Variants in NUP210 observed in about 807,000 individuals in gnomAD.
The protein encoded by NUP210 is nuclear pore membrane glycoprotein 210.
In NUP210, 151 loss-of-function variants were observed where a neutral mutation model predicts 196.0. That is an observed-to-expected ratio of 0.77 (90% CI 0.67 to 0.88). The LOEUF is 0.88. Among genes scored for constraint, NUP210 ranks in the 40% least tolerant of loss-of-function variants. The pLI, the probability that NUP210 is intolerant of heterozygous loss-of-function variation, is 0.00. For missense variants in NUP210, 2,314 were observed against 2,493.7 expected, an observed-to-expected ratio of 0.93 and a Z score of 1.53; for synonymous variants, 1,070 against 1,052.7, an observed-to-expected ratio of 1.02 and a Z score of -0.32.
intron 3 of NUP210, among the ~76,000 whole-genome samples, chr3:13,391,847 G>C (rs1699502487): frequency 6.6e-6 from 1 of 151,848 alleles, no homozygotes; most frequent in South Asian, 2.1e-4. Flanking sequence ...GGGGCAAGGA[G>C]AGCCAGGCCC....
intron 8 of NUP210, among the ~76,000 whole-genome samples, chr3:13,378,615 C>G (rs1478798488): frequency 1.3e-5 from 2 of 152,300 alleles, no homozygotes; most frequent in East Asian, 1.9e-4. Context: ...TAGCAATGGT[C>G]AGGTCTGGGC....
At chr3:13,412,728 A>T (rs1258826707) in intron 1 of NUP210, among the ~76,000 whole-genome samples, 4 of 151,708 alleles carry the variant, frequency 2.6e-5, no homozygotes, top group Non-Finnish European at 5.9e-5. Flanking sequence ...AAAAAAAAAA[A>T]AGGGAGGCTG....
intron 1 of NUP210, among the ~76,000 whole-genome samples, chr3:13,418,363 C>T (rs547528029): frequency 2.6e-5 from 4 of 152,294 alleles, no homozygotes; most frequent in Non-Finnish European, 5.9e-5. Flanking sequence ...GAGGCAGAGG[C>T]GGCGGGATCA....
chr3:13,377,286 G>A (rs578153853), intron 9 of NUP210, among the ~76,000 whole-genome samples, 170 bp downstream of exon 9: 2 of 152,218 alleles, frequency 1.3e-5, no homozygotes, highest in South Asian at 2.1e-4. Context: ...GAGATGCCCC[G>A]GGATGCCTCA....
chr3:13,349,226 G>A (rs924088009), intron 20 of NUP210, among the ~76,000 whole-genome samples: 2 of 152,168 alleles, frequency 1.3e-5, no homozygotes, highest in Non-Finnish European at 2.9e-5. Context: ...CCCAGTGAGC[G>A]GGGCTCCGCT....
At chr3:13,403,744 G>A (rs1699916497) in intron 1 of NUP210, among the ~76,000 whole-genome samples, 1 of 152,184 alleles carries the variant, frequency 6.6e-6, no homozygotes, top group South Asian at 2.1e-4. Context: ...TCTCAGCACT[G>A]ACGACAGAGC....
chr3:13,361,417 T>C (rs940920330), intron 14 of NUP210, among the ~76,000 whole-genome samples: 1 of 152,176 alleles, frequency 6.6e-6, no homozygotes. Context: ...CATGGCCTCC[T>C]GGTGTGGGCA....
intron 33 of NUP210, among the ~76,000 whole-genome samples, chr3:13,324,012 A>G (rs1696643677): frequency 6.6e-6 from 1 of 152,208 alleles, no homozygotes; most frequent in Non-Finnish European, 1.5e-5. Flanking sequence ...CCCTGCCTCC[A>G]GGAGATCTGA....
At chr3:13,402,254 T>A (rs2124950412) in intron 1 of NUP210, among the ~76,000 whole-genome samples, 1 of 151,846 alleles carries the variant, frequency 6.6e-6, no homozygotes, top group Non-Finnish European at 1.5e-5. Context: ...GAAAATAAAG[T>A]CTATGGGGGG....
chr3:13,384,264 C>T (rs916337109), intron 6 of NUP210, among the ~76,000 whole-genome samples: 1 of 152,196 alleles, frequency 6.6e-6, no homozygotes, highest in Non-Finnish European at 1.5e-5. Context: ...CCCGGCCGGC[C>T]CTGTTGTTAT....
Position 13,316,634 on chromosome 3 carries a change from C to T in NUP210, c.*1047G>A, listed in dbSNP as rs1038683117. On this transcript the variant is annotated 3_prime_UTR_variant, in exon 40 of 40. Transcript: ENST00000254508. ...GATGGGCAGGCCCTGGGCTGGCGGCCGCCCTCCATCATTGGCCCAGGCCGG... is the reference window on the plus strand; with the variant it reads ...GATGGGCAGGCCCTGGGCTGGCGGCTGCCCTCCATCATTGGCCCAGGCCGG... 5.9e-5 allele frequency: 9 copies of T among 152,260 alleles called. No individual in the cohort carries two copies. Among genetic ancestry groups the T allele is most frequent in the African/African-American group, 1.4e-4 (6 of 41,474 alleles). The allele number at this position is 152,260 out of a possible 1,614,324, so 9.4% of individuals were successfully genotyped here. A position where few individuals can be genotyped will look rare whatever the true frequency, so the allele number is the denominator to read the frequency against.
At chr3:13,341,316 C>G (rs544411214) in intron 23 of NUP210, among the ~76,000 whole-genome samples, 2 of 152,346 alleles carry the variant, frequency 1.3e-5, no homozygotes, top group African/African-American at 4.8e-5. Context: ...CCTCTGCTCA[C>G]GCAGCCCCTG....
intron 18 of NUP210, among the ~76,000 whole-genome samples, chr3:13,352,422 A>G (rs1189344973): frequency 6.6e-6 from 1 of 152,210 alleles, no homozygotes; most frequent in African/African-American, 2.4e-5. Flanking sequence ...AATCCAGCTT[A>G]GAAGACGCCA....
Position 13,343,303 on chromosome 3 carries a change from C to T in NUP210, c.2836G>A (p.Val946Met), listed in dbSNP as rs759793556. 5 of 1,592,098 alleles carry T rather than the reference C, an allele frequency of 3.1e-6. No individual in the cohort carries two copies. Among genetic ancestry groups the T allele is most frequent in the Non-Finnish European group, 4.3e-6 (5 of 1,166,726 alleles). ...GATGAGCCCGGGAGCAAAGGGTGCACCTGCAAGGTTGGGGCGGAGGTGGAG... is the reference window on the plus strand; with the variant it reads ...GATGAGCCCGGGAGCAAAGGGTGCATCTGCAAGGTTGGGGCGGAGGTGGAG... ...AYQEARGVAM[V>M]HPLLPGSSTI... Residue 946 changes from valine (V) to methionine (M), a missense_variant and splice_region_variant, in exon 21 of 40, where the codon GTG (valine) becomes ATG (methionine). Val to Met is a conservative substitution (Grantham distance 21). Coordinates refer to ENST00000254508, the MANE Select transcript of NUP210 (RefSeq NM_024923.4).
rs1319565260 is a variant in NUP210, at chr3:13,358,233, T to G, written c.2317A>C (p.Asn773His). The G allele has an allele frequency of 1.2e-6, 2 of 1,607,504 alleles. No homozygotes were observed. Among genetic ancestry groups the G allele is most frequent in the East Asian group, 4.5e-5 (2 of 44,732 alleles). Residue 773 changes from asparagine (N) to histidine (H), a missense_variant, in exon 16 of 40, where the codon AAC (asparagine) becomes CAC (histidine). Physicochemically the swap from Asn to His is moderately conservative, Grantham distance 68 (BLOSUM62 1). Coordinates refer to ENST00000254508, the MANE Select transcript of NUP210 (RefSeq NM_024923.4). ...TAGCCCACACTCACCACCTGCTTGT[T>G]CTGCTGCAGCAGCGGACAGGACATG... ...LDMSCPLLQQNKQVVPVSSHR... is the reference protein window; with the variant it reads ...LDMSCPLLQQHKQVVPVSSHR...
At position 13,319,308 on chromosome 3, in the gene NUP210, G is replaced by C; in HGVS notation, c.5401C>G (p.Gln1801Glu). The change falls in exon 38 of 40, where the codon CAG becomes GAG. Residue 1801 changes from glutamine to glutamate, a missense_variant. By Grantham distance (29) the Gln-to-Glu change is conservative. Transcript: ENST00000254508. ...GPGPYGASLF[Q>E]HFLDSYQVMF... ...ACCTGGTAGGAATCCAGGAAGTGCT[G>C]GAAGAGGCTGGCTCCATCTGCCATC... is the stretch of plus-strand genomic sequence containing the variant. 1 of 1,610,672 alleles carries C rather than the reference G, an allele frequency of 6.2e-7. No homozygotes were observed. The highest frequency in any genetic ancestry group is 1.3e-5 in the African/African-American group (1 of 74,984).
At chr3:13,335,310 T>G in intron 28 of NUP210, 144 bp downstream of exon 28, 1 of 946,360 alleles carries the variant, frequency 1.1e-6, no homozygotes, top group Non-Finnish European at 1.6e-6. Flanking sequence ...TTTACCCCAC[T>G]GCGATGGACC....
chr3:13,378,679 TTC>T (rs1699007974), intron 8 of NUP210, among the ~76,000 whole-genome samples: 1 of 152,214 alleles, frequency 6.6e-6, no homozygotes, highest in Non-Finnish European at 1.5e-5. Flanking sequence ...CTCTACCCGG[TTC>T]TGTTTCTCTC....
chr3:13,330,517 G>C lies in NUP210; in HGVS notation c.4053C>G (p.Ile1351Met), dbSNP rs141087015. Residue 1351 changes from isoleucine (I) to methionine (M), a missense_variant, in exon 30 of 40, where the codon ATC becomes ATG. Transcript: ENST00000254508. ...CAAAGGGCTCTTGTGCAATCACTTC[G>C]ATGGTGGATGTCCCGATCATAGACC... ...ASGSMIGTST[I>M]EVIAQEPFGA... 6.2e-7 allele frequency: 1 copy of C among 1,614,086 alleles called. No individual in the cohort carries two copies. The highest frequency in any genetic ancestry group is 1.3e-5 in the African/African-American group (1 of 74,942).
Sources: gnomAD v4.1 joint callset for allele counts (sites outside exome capture counted in the v4.1 genomes callset) on GRCh38, gnomAD v4.1.1 for gene constraint, MANE v1.5 for transcripts, NCBI Gene and HGNC (gene_info 2026-07-23, HGNC 2026-07-21) for gene names.